Variants in NRXN3 observed in about 807,000 individuals in gnomAD.
NRXN3 encodes neurexin III.
NRXN3 carries 32 observed loss-of-function variants against 137.6 expected under a neutral mutation model. The observed-to-expected ratio is 0.23, with a 90% confidence interval of 0.18 to 0.31. The LOEUF (loss-of-function observed/expected upper bound fraction) is 0.31, where lower values mean the gene tolerates loss of function less well. Ranked by LOEUF, NRXN3 falls within the 10% of genes least tolerant of loss-of-function variation. The pLI, the probability that NRXN3 is intolerant of heterozygous loss-of-function variation, is 1.00. For missense variants in NRXN3, 1,574 were observed against 2,062.5 expected (o/e 0.76, Z 4.59); for synonymous variants, 798 against 784.5 (o/e 1.02, Z -0.29).
At chr14:79,756,610 C>G (rs2099020432) in intron 19 of NRXN3, among the ~76,000 whole-genome samples, 1 of 152,188 alleles carries the variant, frequency 6.6e-6, no homozygotes, top group Non-Finnish European at 1.5e-5. Flanking sequence ...GTGCTGTTTT[C>G]CAGCCTGTGC....
At chr14:79,595,974 G>T (rs1333192639) in intron 16 of NRXN3, among the ~76,000 whole-genome samples, 1 of 151,638 alleles carries the variant, frequency 6.6e-6, no homozygotes, top group Non-Finnish European at 1.5e-5. Context: ...AAGACAGCCG[G>T]TTTTCCTGAT....
intron 15 of NRXN3, among the ~76,000 whole-genome samples, chr14:79,191,749 T>A (rs2153180782): frequency 6.6e-6 from 1 of 152,322 alleles, no homozygotes; most frequent in South Asian, 2.1e-4. Context: ...CCTAAATGTA[T>A]ACAGCAGGTG....
intron 15 of NRXN3, among the ~76,000 whole-genome samples, chr14:79,315,129 T>A: frequency 6.6e-6 from 1 of 152,192 alleles, no homozygotes; most frequent in East Asian, 1.9e-4. Context: ...TATCCTGTAA[T>A]GTGCTGTTGA....
chr14:79,419,000 G>T (rs1658128562), intron 15 of NRXN3, among the ~76,000 whole-genome samples: 1 of 152,316 alleles, frequency 6.6e-6, no homozygotes, highest in South Asian at 2.1e-4. Context: ...CTGCAGTAGG[G>T]CAGGCATGGA....
chr14:78,666,072 C>T (rs1008364988), intron 6 of NRXN3, among the ~76,000 whole-genome samples: 5 of 152,120 alleles, frequency 3.3e-5, no homozygotes, highest in African/African-American at 1.2e-4. Flanking sequence ...TTCTTTCTTG[C>T]AGTATATATC....
chr14:79,170,267 A>G (rs904966104), intron 15 of NRXN3, among the ~76,000 whole-genome samples: 7 of 152,164 alleles, frequency 4.6e-5, no homozygotes, highest in Non-Finnish European at 8.8e-5. Context: ...AGAAACACCC[A>G]GTAAAAATGT....
chr14:78,649,562 GCTT>G (rs1334556806), intron 5 of NRXN3, among the ~76,000 whole-genome samples: 1 of 125,142 alleles, frequency 8.0e-6, no homozygotes, highest in Non-Finnish European at 1.6e-5. Context: ...CCCAAAAAAT[GCTT>G]TTTTTTTTTT....
At position 78,762,152 on chromosome 14, in the gene NRXN3, C is replaced by T. The variant is rs539518392; in HGVS notation, c.2045-41468C>T. Among the ~76,000 whole-genome samples the T allele has an allele frequency of 2.0e-5, 3 of 152,232 alleles. No individual in the cohort carries two copies. The South Asian group carries it at 6.2e-4, about 32-fold the overall frequency. ...TGATTCACAAAGGTCTGTTTTGTCT[C>T]CTACAAATGTGTCATTGTGTATGCA... On this transcript the variant is annotated intron_variant, in intron 8 of 20. Coordinates refer to ENST00000335750, the MANE Select transcript of NRXN3 (RefSeq NM_001330195.2).
chr14:79,824,404 T>TTC (rs66762772), intron 20 of NRXN3, among the ~76,000 whole-genome samples: 2 of 2,136 alleles, frequency 9.4e-4, no homozygotes, highest in South Asian at 0.026. Context: ...TTTTTGATGG[T>TTC]TTTTTTTTCC....
At chr14:79,741,594 C>A (rs549037687) in intron 19 of NRXN3, among the ~76,000 whole-genome samples, 1 of 152,096 alleles carries the variant, frequency 6.6e-6, no homozygotes, top group African/African-American at 2.4e-5. Context: ...AAGTGACTCT[C>A]ATGCCTCAGC....
rs1328473877 is a variant in NRXN3 at position 79,689,109 on chromosome 14, TG to T, written c.3617-3063del. Among the ~76,000 whole-genome samples, 3 of 152,268 alleles carry T rather than the reference TG, an allele frequency of 2.0e-5. No individual in the cohort carries two copies. In the East Asian group the frequency reaches 5.8e-4, roughly 29 times the overall value. ...ATGCCTCCTTTTAATGATATTATGA[TG>T]TTTACTACTCATAGGGCCATTCTTT... On this transcript the variant is annotated intron_variant, in intron 17 of 20. Transcript: ENST00000335750.
chr14:78,549,063 G>A (rs2096662583), intron 4 of NRXN3, among the ~76,000 whole-genome samples: 1 of 152,204 alleles, frequency 6.6e-6, no homozygotes, highest in Admixed American at 6.5e-5. Flanking sequence ...TTTCTGACAT[G>A]GAAATAGCGA....
At chr14:79,639,733 G>A (rs73327961) in intron 16 of NRXN3, among the ~76,000 whole-genome samples, 5,148 of 152,208 alleles carry the variant, frequency 0.034, 267 homozygotes, top group African/African-American at 0.12. Context: ...TGAGTAACCC[G>A]AAGTAGCTAA....
intron 1 of NRXN3, among the ~76,000 whole-genome samples, chr14:78,180,265 A>T (rs2059694112): frequency 6.6e-6 from 1 of 152,198 alleles, no homozygotes; most frequent in African/African-American, 2.4e-5. Flanking sequence ...GTTTCACAAG[A>T]AAAGGAGTCC....
intron 8 of NRXN3, among the ~76,000 whole-genome samples, chr14:78,723,801 T>G (rs1267114852): frequency 6.6e-6 from 1 of 152,192 alleles, no homozygotes; most frequent in African/African-American, 2.4e-5. Context: ...TCCATTTTTT[T>G]TTTTCTTGTG....
chr14:79,221,602 T>C (rs1436250942), intron 15 of NRXN3, among the ~76,000 whole-genome samples: 1 of 152,192 alleles, frequency 6.6e-6, no homozygotes, highest in African/African-American at 2.4e-5. Flanking sequence ...TGGGGTTGTT[T>C]GTTTTTTTCT....
rs189562981 is a variant in NRXN3, at chr14:79,187,429, T to C, written c.3262+199288T>C. On this transcript the variant is annotated intron_variant, in intron 15 of 20. Coordinates refer to ENST00000335750, the MANE Select transcript of NRXN3 (RefSeq NM_001330195.2). ...ATCTCCATTTTAGAGATAGCAGTTATAGAAGAGGCATCTGGAGCTAAAACA... is the reference window on the plus strand; with the variant it reads ...ATCTCCATTTTAGAGATAGCAGTTACAGAAGAGGCATCTGGAGCTAAAACA... Among the ~76,000 whole-genome samples, 442 of 152,316 alleles carry C rather than the reference T, an allele frequency of 2.9e-3. 1 individual carries two copies. Among genetic ancestry groups the C allele is most frequent in the African/African-American group, 0.01 (427 of 41,576 alleles).
At chr14:78,871,530 G>A (rs1421018704) in intron 10 of NRXN3, among the ~76,000 whole-genome samples, 1 of 152,050 alleles carries the variant, frequency 6.6e-6, no homozygotes, top group Admixed American at 6.6e-5. Context: ...ATCTTTGCCT[G>A]AGGTGCTACA....
rs532772095 is a variant in NRXN3, at chr14:78,303,362, C to T, written c.757+5502C>T. Reference sequence around the variant, plus strand: ...GACCACTCCCCTCTACTAGATTGCACGTACGTTGAAGACAAATGTATTCAT... The same window carrying T: ...GACCACTCCCCTCTACTAGATTGCATGTACGTTGAAGACAAATGTATTCAT... On this transcript the variant is annotated intron_variant, in intron 4 of 20. Coordinates refer to ENST00000335750, the MANE Select transcript of NRXN3 (RefSeq NM_001330195.2). Among the ~76,000 whole-genome samples, 9 of 152,250 alleles carry T rather than the reference C, an allele frequency of 5.9e-5. No individual in the cohort carries two copies. The South Asian group carries it at 6.2e-4, about 11-fold the overall frequency.
Sources: allele counts gnomAD v4.1 joint callset (sites outside exome capture counted in the v4.1 genomes callset), GRCh38; gene constraint gnomAD v4.1.1; transcripts MANE v1.5; gene names NCBI Gene and HGNC (gene_info 2026-07-23, HGNC 2026-07-21).